ENTPD1: variants seen among roughly 807,000 people sequenced by gnomAD.
The protein encoded by ENTPD1 is ATP diphosphohydrolase.
ENTPD1 carries 33 observed loss-of-function variants against 57.0 expected under a neutral mutation model. The observed-to-expected ratio is 0.58, with a 90% CI of 0.44 to 0.77. The LOEUF is 0.77. Among genes scored for constraint, ENTPD1 ranks in the 30% least tolerant of loss-of-function variants. ENTPD1 has a pLI of 0.00. For synonymous variants in ENTPD1, 202 were observed against 218.8 expected (o/e 0.92, Z 0.68); for missense variants, 501 against 603.4 (o/e 0.83, Z 1.78).
chr10:95,829,048 T>A (rs1431825495), intron 2 of ENTPD1, among the ~76,000 whole-genome samples: 1 of 152,198 alleles, frequency 6.6e-6, no homozygotes, highest in Non-Finnish European at 1.5e-5. Context: ...AAGCCTTAGA[T>A]GTTCTCTCAC....
At chr10:95,776,308 T>C (rs931321988) in intron 1 of ENTPD1, among the ~76,000 whole-genome samples, 5 of 152,226 alleles carry the variant, frequency 3.3e-5, no homozygotes, top group Admixed American at 1.3e-4. Context: ...AGTGCTTCCT[T>C]CAGGAGCTCT....
chr10:95,867,253 C>A lies in ENTPD1; in HGVS notation c.*870C>A. 1.0e-6 allele frequency: 1 copy of A among 961,650 alleles called. No homozygotes were observed. Among genetic ancestry groups the A allele is most frequent in the Non-Finnish European group, 1.2e-6 (1 of 808,272 alleles). 59.6% of individuals were successfully genotyped at this position (961,650 alleles called of 1,614,324 possible). On this transcript the variant is annotated 3_prime_UTR_variant, in exon 10 of 10. Transcript: ENST00000371205. Reference sequence around the variant, plus strand: ...TAATTCACCATTTTAACATTTAATTCATATTAAATACGTACAAATCAGTGA... The same window carrying A: ...TAATTCACCATTTTAACATTTAATTAATATTAAATACGTACAAATCAGTGA...
At position 95,791,702 on chromosome 10, in the gene ENTPD1, AACTTTGGCTGTACATTAGAATC is replaced by A. The variant is rs1405218486; in HGVS notation, c.17-31532_17-31511del. The stretch of plus-strand genomic sequence containing the variant: ...ACTAAGTTAGAGGTTCACAAGGGAG[AACTTTGGCTGTACATTAGAATC>A]ACCCGGCTGGGGGTAGAGGTGTTAA... On this transcript the variant is annotated intron_variant, in intron 1 of 9. Coordinates refer to ENST00000371205, the MANE Select transcript of ENTPD1 (RefSeq NM_001776.6). The surrounding 1 kb of genome is among the most constrained non-coding windows in gnomAD (Gnocchi z 4.1). Among the ~76,000 whole-genome samples the A allele has an allele frequency of 5.6e-4, 85 of 152,234 alleles. 3 individuals are homozygous for A. In the South Asian group the frequency reaches 8.5e-3, roughly 15 times the overall value.
chr10:95,825,909 T>C (rs1189913312), intron 2 of ENTPD1, among the ~76,000 whole-genome samples: 1 of 152,202 alleles, frequency 6.6e-6, no homozygotes, highest in Admixed American at 6.5e-5. Context: ...CACAATGACA[T>C]GACTTTATGA....
intron 1 of ENTPD1, among the ~76,000 whole-genome samples, chr10:95,800,688 C>T (rs2098245785): frequency 6.6e-6 from 1 of 152,150 alleles, no homozygotes; most frequent in Admixed American, 6.5e-5. Flanking sequence ...AGCGATATTT[C>T]TCCTACTCAC....
upstream of ENTPD1, among the ~76,000 whole-genome samples, chr10:95,752,421 G>A (rs866636286): frequency 2.0e-5 from 3 of 152,124 alleles, no homozygotes; most frequent in Non-Finnish European, 4.4e-5. Flanking sequence ...TTGGGAGGCC[G>A]AGGTGGGCAG....
chr10:95,731,421 A>G (rs1316694724), intron 1 of ENTPD1, among the ~76,000 whole-genome samples: 3 of 152,078 alleles, frequency 2.0e-5, no homozygotes, highest in African/African-American at 4.8e-5. Context: ...CCCCCTACCC[A>G]TGTACCCTCA....
chr10:95,845,879 T>C (rs771503413), intron 6 of ENTPD1: 1 of 476,756 alleles, frequency 2.1e-6, no homozygotes, highest in Non-Finnish European at 3.8e-6. Flanking sequence ...ATGAAAATTA[T>C]GTGGTAGAAT....
At chr10:95,769,233 A>G (rs1386996628) in intron 1 of ENTPD1, among the ~76,000 whole-genome samples, 1 of 152,200 alleles carries the variant, frequency 6.6e-6, no homozygotes, top group African/African-American at 2.4e-5. Flanking sequence ...CTCCTTCCCC[A>G]CTGAGAGCAA....
At position 95,866,265 on chromosome 10, in the gene ENTPD1, TC is replaced by T. The variant is rs1402936528; in HGVS notation, c.1416del (p.Ser473ProfsTer22). 3 of 1,614,170 alleles carry T rather than the reference TC, an allele frequency of 1.9e-6. No homozygotes were observed. Among genetic ancestry groups the T allele is most frequent in the Non-Finnish European group, 2.5e-6 (3 of 1,180,034 alleles). On this transcript the variant is annotated frameshift_variant, in exon 10 of 10. Transcript: ENST00000371205. LOFTEE classifies it high-confidence loss of function. ...IPAEQPLSTP[L>X]SHSTYVFLMV... The stretch of plus-strand genomic sequence containing the variant: ...GCTGAGCAACCATTGTCCACACCTC[TC>T]TCCCACTCCACCTATGTCTTCCTCA...
At chr10:95,729,806 A>G (rs1444179252) in intron 1 of ENTPD1, among the ~76,000 whole-genome samples, 2 of 152,208 alleles carry the variant, frequency 1.3e-5, no homozygotes, top group Non-Finnish European at 2.9e-5. Context: ...CAAAAACTTT[A>G]TTCCAGCCAA....
chr10:95,837,576 G>A lies in ENTPD1; in HGVS notation c.145-2115G>A, dbSNP rs1330814605. Among the ~76,000 whole-genome samples, 4 of 152,118 alleles carry A rather than the reference G, an allele frequency of 2.6e-5. No individual in the cohort carries two copies. The East Asian group carries it at 7.7e-4, about 29-fold the overall frequency. ...TTCTAAAGGCATAATGCTAATTACT[G>A]GAGGGAATCCCCACTGTGTGTAACT... On this transcript the variant is annotated intron_variant, in intron 2 of 9. Coordinates refer to ENST00000371205, the MANE Select transcript of ENTPD1 (RefSeq NM_001776.6).
At chr10:95,807,057 G>A (rs2098275973) in intron 1 of ENTPD1, among the ~76,000 whole-genome samples, 1 of 152,214 alleles carries the variant, frequency 6.6e-6, no homozygotes, top group Non-Finnish European at 1.5e-5. Context: ...GTCAGACAGG[G>A]ATGTTTAAGT....
rs1232988700 is a variant in ENTPD1, at chr10:95,868,180, G to A, written c.*1797G>A. ...AGAAACTGAGGTTCAGAGAGGTTAA[G>A]TCATTTGCCCAAATGGCTGAGCCAA... On this transcript the variant is annotated 3_prime_UTR_variant, in exon 10 of 10. Transcript: ENST00000371205. 1.5e-5 allele frequency: 15 copies of A among 985,472 alleles called. No individual in the cohort carries two copies. The highest frequency in any genetic ancestry group is 1.8e-5 in the Non-Finnish European group (15 of 829,940). The allele number at this position is 985,472 out of a possible 1,614,324, so 61.0% of individuals were successfully genotyped here.
At chr10:95,854,557 C>T (rs2098451099) in intron 7 of ENTPD1, among the ~76,000 whole-genome samples, 1 of 152,136 alleles carries the variant, frequency 6.6e-6, no homozygotes, top group Non-Finnish European at 1.5e-5. Context: ...CCTGCTTTCT[C>T]TTGTGGGCAT....
intron 1 of ENTPD1, among the ~76,000 whole-genome samples, chr10:95,818,147 T>C (rs2098336386): frequency 6.6e-6 from 1 of 152,118 alleles, no homozygotes; most frequent in Admixed American, 6.6e-5. Flanking sequence ...ATGAGGGGAA[T>C]GGAATTACAA....
intron 1 of ENTPD1, among the ~76,000 whole-genome samples, chr10:95,737,924 C>T (rs1234359219): frequency 6.6e-6 from 1 of 152,108 alleles, no homozygotes; most frequent in East Asian, 1.9e-4. Flanking sequence ...AAATGTTTGA[C>T]TTGTAAACGT....
rs1319260139 is a variant in ENTPD1 at position 95,870,269 on chromosome 10, A to C, written c.*3886A>C. 1.0e-6 allele frequency: 1 copy of C among 984,882 alleles called. No individual in the cohort carries two copies. Among genetic ancestry groups the C allele is most frequent in the Admixed American group, 6.2e-5 (1 of 16,258 alleles). 61.0% of individuals were successfully genotyped at this position (984,882 alleles called of 1,614,324 possible). On this transcript the variant is annotated 3_prime_UTR_variant, in exon 10 of 10. Transcript: ENST00000371205. ...GCTTACATTCCATACTCAAAATGTA[A>C]ATTTGAATATTAAAATAAAGATGAT...
At chr10:95,806,454 T>G (rs2098272830) in intron 1 of ENTPD1, among the ~76,000 whole-genome samples, 1 of 152,234 alleles carries the variant, frequency 6.6e-6, no homozygotes, top group Admixed American at 6.5e-5. Flanking sequence ...TTCAGAGAAG[T>G]TTGTTATTAC....
Sources: allele counts gnomAD v4.1 joint callset (sites outside exome capture counted in the v4.1 genomes callset), GRCh38; gene constraint gnomAD v4.1.1; non-coding constraint Gnocchi (gnomAD v3.1); transcripts MANE v1.5; gene names NCBI Gene and HGNC (gene_info 2026-07-23, HGNC 2026-07-21).